The following FER1L6 variants were observed in gnomAD, a reference collection of about 807,000 sequenced individuals.
FER1L6 encodes the protein fer-1-like protein 6.
In FER1L6, 177 loss-of-function variants were observed where a neutral mutation model predicts 219.2. The ratio of observed to expected loss-of-function variants is 0.81; its 90% confidence interval spans 0.71 to 0.91. FER1L6 has a LOEUF of 0.91. Among genes scored for constraint, FER1L6 ranks in the 40% least tolerant of loss-of-function variants. FER1L6 has a pLI of 0.00. For synonymous variants in FER1L6, 768 were observed against 824.3 expected (o/e 0.93, Z 1.17); for missense variants, 2,153 against 2,259.9 (o/e 0.95, Z 0.96).
At chr8:124,002,511 T>C (rs1252615897) in intron 12 of FER1L6, among the ~76,000 whole-genome samples, 1 of 152,220 alleles carries the variant, frequency 6.6e-6, no homozygotes, top group Non-Finnish European at 1.5e-5. Flanking sequence ...GGAATGTTCA[T>C]CTAAATCTTT....
chr8:124,052,170 C>T (rs949832484), intron 22 of FER1L6, among the ~76,000 whole-genome samples: 1 of 152,128 alleles, frequency 6.6e-6, no homozygotes, highest in Non-Finnish European at 1.5e-5. Flanking sequence ...ACTGTTGGTC[C>T]AGTCTTAAGT....
At chr8:123,880,069 T>G (rs1231929812) in intron 1 of FER1L6, among the ~76,000 whole-genome samples, 2 of 152,124 alleles carry the variant, frequency 1.3e-5, no homozygotes, top group Non-Finnish European at 2.9e-5. Flanking sequence ...TATTTGAAAA[T>G]TATGATTATC....
chr8:124,079,795 TG>T (rs1019652163), intron 32 of FER1L6, among the ~76,000 whole-genome samples: 3 of 152,204 alleles, frequency 2.0e-5, no homozygotes, highest in Non-Finnish European at 4.4e-5. Context: ...TCGGAGAGCT[TG>T]ACCTGGTTGG....
chr8:124,094,013 T>G (rs1240554938), intron 34 of FER1L6, among the ~76,000 whole-genome samples: 2 of 152,162 alleles, frequency 1.3e-5, no homozygotes, highest in Non-Finnish European at 2.9e-5. Flanking sequence ...TTTTGTCTTG[T>G]TTTGCGCGTA....
intron 12 of FER1L6, among the ~76,000 whole-genome samples, chr8:123,987,186 A>G (rs1253825893): frequency 6.6e-6 from 1 of 152,166 alleles, no homozygotes; most frequent in Non-Finnish European, 1.5e-5. Flanking sequence ...ATTTGTTATT[A>G]GCCTGTTATT....
At chr8:124,020,481 A>G (rs1818411109) in intron 16 of FER1L6, among the ~76,000 whole-genome samples, 1 of 152,194 alleles carries the variant, frequency 6.6e-6, no homozygotes, top group Non-Finnish European at 1.5e-5. Flanking sequence ...GTCACTGTAA[A>G]TATTTTTTTT....
intron 2 of FER1L6, among the ~76,000 whole-genome samples, chr8:123,962,118 T>C (rs996280858): frequency 1.1e-4 from 17 of 152,150 alleles, no homozygotes; most frequent in Non-Finnish European, 2.4e-4. Flanking sequence ...CTCGATATCT[T>C]GACCTCATGA....
At chr8:123,868,028 A>T (rs982313220) in intron 1 of FER1L6, among the ~76,000 whole-genome samples, 1 of 152,202 alleles carries the variant, frequency 6.6e-6, no homozygotes, top group Non-Finnish European at 1.5e-5. Context: ...CCATGGAATC[A>T]TAGAACATGT....
At chr8:124,088,880 C>CA (rs1195586978) in intron 33 of FER1L6, among the ~76,000 whole-genome samples, 2 of 151,974 alleles carry the variant, frequency 1.3e-5, no homozygotes, top group Admixed American at 6.6e-5. Context: ...AGGTGCAAGA[C>CA]AAAATCCTCT....
chr8:124,043,068 A>AAT (rs1819574998), intron 20 of FER1L6, among the ~76,000 whole-genome samples: 1 of 152,210 alleles, frequency 6.6e-6, no homozygotes, highest in Non-Finnish European at 1.5e-5. Flanking sequence ...CTTAGTCCTG[A>AAT]GGACATGAAT....
At chr8:124,010,844 A>AG (rs1285791490) in intron 14 of FER1L6, 130 bp downstream of exon 14, 2 of 1,279,030 alleles carry the variant, frequency 1.6e-6, no homozygotes, top group Admixed American at 4.5e-5. Context: ...CTGCATTTGG[A>AG]GGGCACGTGG....
intron 1 of FER1L6, among the ~76,000 whole-genome samples, chr8:123,898,189 C>T (rs1469681845): frequency 2.0e-5 from 3 of 151,792 alleles, no homozygotes; most frequent in African/African-American, 7.3e-5. Context: ...GTAAAATATT[C>T]AAAACTATTA....
intron 1 of FER1L6, among the ~76,000 whole-genome samples, chr8:123,875,066 G>A (rs1020764864): frequency 1.3e-5 from 2 of 152,066 alleles, no homozygotes; most frequent in African/African-American, 2.4e-5. Context: ...ATGATGGTGG[G>A]CACCTGTAGT....
intron 3 of FER1L6, among the ~76,000 whole-genome samples, 186 bp downstream of exon 3, chr8:123,963,584 C>T (rs143975263): frequency 6.6e-6 from 1 of 152,300 alleles, no homozygotes; most frequent in African/African-American, 2.4e-5. Flanking sequence ...CTCTTGATAC[C>T]GTTCAGCCTT....
At chr8:123,984,972 G>A (rs1816502417) in intron 11 of FER1L6, 1 of 152,262 alleles carries the variant, frequency 6.6e-6, no homozygotes, top group Admixed American at 6.5e-5. Flanking sequence ...GCTCAGAAAT[G>A]TAATGCTGTG....
intron 1 of FER1L6, among the ~76,000 whole-genome samples, chr8:123,898,453 C>T (rs945976672): frequency 2.0e-5 from 3 of 151,650 alleles, no homozygotes; most frequent in East Asian, 1.9e-4. Context: ...TCTTCCAAGT[C>T]CCCAAAGTCC....
intron 2 of FER1L6, 90 bp downstream of exon 2, chr8:123,956,164 G>A (rs542665891): frequency 1.7e-4 from 186 of 1,110,504 alleles, no homozygotes; most frequent in Admixed American, 3.3e-4. Context: ...CTCTCTCAAT[G>A]GGAGCGAGGG....
chr8:123,880,157 G>T (rs140183622), intron 1 of FER1L6, among the ~76,000 whole-genome samples: 1 of 151,718 alleles, frequency 6.6e-6, no homozygotes, highest in Non-Finnish European at 1.5e-5. Flanking sequence ...CCTCTTCCCC[G>T]ACCAACTCCC....
rs533908577 is a variant in FER1L6 at position 123,966,143 on chromosome 8, C to A, written c.253-16C>A. ...GGCGGTGTCCGGAATGGTGTCCACA[C>A]TGCTTTGTGTTGCAGATTGCCATAA... On this transcript the variant is annotated splice_polypyrimidine_tract_variant and intron_variant, in intron 4 of 40. Transcript: ENST00000522917. The A allele has an allele frequency of 1.2e-6, 2 of 1,614,006 alleles. No individual in the cohort carries two copies. The highest frequency in any genetic ancestry group is 3.3e-5 in the Admixed American group (2 of 60,012).
Sources: gnomAD v4.1 joint callset for allele counts (sites outside exome capture counted in the v4.1 genomes callset) on GRCh38, gnomAD v4.1.1 for gene constraint, MANE v1.5 for transcripts, NCBI Gene and HGNC (gene_info 2026-07-23, HGNC 2026-07-21) for gene names.